PTK2: variants seen among roughly 807,000 people sequenced by gnomAD.
The protein encoded by PTK2 is protein tyrosine kinase 2.
A neutral mutation model predicts 150.1 loss-of-function variants in PTK2; 45 were observed. The ratio of observed to expected loss-of-function variants is 0.30; its 90% CI spans 0.24 to 0.38. The LOEUF (loss-of-function observed/expected upper bound fraction) is 0.38, where lower values mean the gene tolerates loss of function less well. Ranked by LOEUF, PTK2 falls within the 10% of genes least tolerant of loss-of-function variation. PTK2 has a pLI of 1.00. For synonymous variants in PTK2, 432 were observed against 449.2 expected (o/e 0.96, Z 0.48); for missense variants, 919 against 1,307.3 (o/e 0.70, Z 4.58).
chr8:140,866,213 G>T (rs1035296405), intron 4 of PTK2, among the ~76,000 whole-genome samples: 2 of 152,176 alleles, frequency 1.3e-5, no homozygotes, highest in African/African-American at 4.8e-5. Flanking sequence ...ATTCAAACAG[G>T]TCCAAGGAGG....
At position 140,751,792 on chromosome 8, in the gene PTK2, T is replaced by C. The variant is rs993369841; in HGVS notation, c.1417+440A>G. ...CAAGCGTGAGCTACCGTGCCCAGCC[T>C]GGGTGATTTGTTCTGATTTTGTAGC... is the stretch of plus-strand genomic sequence containing the variant. On this transcript the variant is annotated intron_variant, in intron 17 of 31. Coordinates refer to ENST00000522684, the Ensembl canonical transcript of PTK2. 5.1e-5 allele frequency: 20 copies of C among 395,898 alleles called. 1 individual carries two copies. The highest frequency in any genetic ancestry group is 3.1e-4 in the African/African-American group (15 of 48,450). 24.5% of individuals were successfully genotyped at this position (395,898 alleles called of 1,614,324 possible). A position where few individuals can be genotyped will look rare whatever the true frequency, so the allele number is the denominator to read the frequency against.
At chr8:140,950,103 A>G (rs2100179066) in intron 1 of PTK2, among the ~76,000 whole-genome samples, 1 of 6,188 alleles carries the variant, frequency 1.6e-4, no homozygotes, top group Middle Eastern at 0.1. Context: ...CTGCTGCTCA[A>G]TGAAGCCCCT....
chr8:140,808,921 C>T (rs998994077), intron 10 of PTK2, among the ~76,000 whole-genome samples: 26 of 151,744 alleles, frequency 1.7e-4, no homozygotes, highest in Non-Finnish European at 8.8e-5. Context: ...TTAGTAGAGA[C>T]GGGGTTTTGC....
intron 17 of PTK2, among the ~76,000 whole-genome samples, chr8:140,749,130 C>T (rs2100061248): frequency 6.6e-6 from 1 of 152,100 alleles, no homozygotes. Context: ...CCTCATATTC[C>T]AAGAACAGGA....
chr8:140,768,498 C>T (rs2100073672), intron 14 of PTK2, among the ~76,000 whole-genome samples: 1 of 152,210 alleles, frequency 6.6e-6, no homozygotes, highest in African/African-American at 2.4e-5. Flanking sequence ...CTTGTAATCC[C>T]TCAGCTAGTC....
chr8:140,697,416 T>TTGTGTGTGTG (rs34459077), intron 26 of PTK2, among the ~76,000 whole-genome samples: 24 of 145,816 alleles, frequency 1.6e-4, no homozygotes, highest in Non-Finnish European at 2.1e-4. Context: ...AGAATACGGT[T>TTGTGTGTGTG]TGTGTGTGTG....
intron 1 of PTK2, among the ~76,000 whole-genome samples, chr8:140,950,289 G>A (rs535074899): frequency 3.2e-4 from 48 of 152,328 alleles, no homozygotes; most frequent in Non-Finnish European, 5.6e-4. Flanking sequence ...CCCGAGCCAG[G>A]GCTATGACAC....
intron 22 of PTK2, among the ~76,000 whole-genome samples, chr8:140,719,831 A>G (rs1373969590): frequency 6.9e-6 from 1 of 144,324 alleles, no homozygotes; most frequent in Non-Finnish European, 1.5e-5. Flanking sequence ...GGCTGCAGTG[A>G]GCCAAGATAG....
chr8:140,681,034 TTTGGCG>T (rs2153571301), intron 27 of PTK2, among the ~76,000 whole-genome samples: 1 of 152,314 alleles, frequency 6.6e-6, no homozygotes, highest in African/African-American at 2.4e-5. Flanking sequence ...CTGATGGAAA[TTTGGCG>T]TTGGTTTGCT....
chr8:140,902,930 T>TGTTTTTTTTG (rs1464479188), intron 2 of PTK2, among the ~76,000 whole-genome samples: 1 of 89,428 alleles, frequency 1.1e-5, no homozygotes, highest in South Asian at 3.7e-4. Flanking sequence ...AGTTGTTTTT[T>TGTTTTTTTTG]TTTTTTTTTT....
At chr8:140,771,596 C>A (rs141078133) in intron 14 of PTK2, among the ~76,000 whole-genome samples, 77 of 152,278 alleles carry the variant, frequency 5.1e-4, no homozygotes, top group Non-Finnish European at 9.4e-4. Context: ...CATTTAACTG[C>A]ATACTCACGG....
chr8:140,927,975 A>AAAAATATATAT, intron 1 of PTK2, among the ~76,000 whole-genome samples: 3 of 48,180 alleles, frequency 6.2e-5, no homozygotes, highest in South Asian at 1.0e-3. Flanking sequence ...AAAAAAAAAA[A>AAAAATATATAT]ATATATATAT....
chr8:140,743,391 A>T, intron 19 of PTK2, 61 bp from the exon 23 acceptor site: 1 of 1,361,428 alleles, frequency 7.3e-7, no homozygotes. Context: ...ATACAAGCTC[A>T]TATATAAAGA....
At chr8:140,943,674 A>G (rs565501402) in intron 1 of PTK2, among the ~76,000 whole-genome samples, 1 of 152,302 alleles carries the variant, frequency 6.6e-6, no homozygotes, top group African/African-American at 2.4e-5. Context: ...CAATCATAAC[A>G]TTTTGCACTT....
At chr8:140,704,791 A>G (rs1229268599) in intron 24 of PTK2, among the ~76,000 whole-genome samples, 14 of 152,104 alleles carry the variant, frequency 9.2e-5, no homozygotes. Flanking sequence ...TTCTTCACTT[A>G]TGGAAATGGT....
chr8:140,701,031 A>C lies in PTK2; in HGVS notation c.2368-9T>G, dbSNP rs764027911. The C allele has an allele frequency of 1.2e-6, 2 of 1,612,604 alleles. No homozygotes were observed. The highest frequency in any genetic ancestry group is 2.2e-5 in the East Asian group (1 of 44,824). The stretch of plus-strand genomic sequence containing the variant: ...TCCAATACTGTAGAGTCCTGGAAGA[A>C]GGGTTGAAAACAGCATATTCAGTCT... On this transcript the variant is annotated splice_polypyrimidine_tract_variant and intron_variant, in intron 25 of 31. Transcript: ENST00000522684.
chr8:140,953,800 T>C (rs1039987290), intron 1 of PTK2, among the ~76,000 whole-genome samples: 2 of 152,108 alleles, frequency 1.3e-5, no homozygotes. Flanking sequence ...GTAATCTTTT[T>C]TTTGAGATGG....
chr8:140,696,408 C>A (rs2100026623), intron 26 of PTK2, among the ~76,000 whole-genome samples: 1 of 152,132 alleles, frequency 6.6e-6, no homozygotes, highest in African/African-American at 2.4e-5. Context: ...TAGTGCACAT[C>A]ATAATAAAAT....
At chr8:140,665,362 A>AT (rs1360739928) in intron 30 of PTK2, among the ~76,000 whole-genome samples, 1 of 152,126 alleles carries the variant, frequency 6.6e-6, no homozygotes, top group African/African-American at 2.4e-5. Flanking sequence ...GTTAGGATAA[A>AT]TAGTAGCACC....
Sources: allele counts gnomAD v4.1 joint callset (sites outside exome capture counted in the v4.1 genomes callset), GRCh38; gene constraint gnomAD v4.1.1; transcripts MANE v1.5; gene names NCBI Gene and HGNC (gene_info 2026-07-23, HGNC 2026-07-21).